ATPAF1: variants seen among roughly 807,000 people sequenced by gnomAD.
ATPAF1 encodes the protein ATP synthase mitochondrial F1 complex assembly factor 1, also known as homolog of yeast ATP11.
Under a neutral mutation model 43.9 loss-of-function variants are expected in ATPAF1, and 26 were observed. That is an observed-to-expected ratio of 0.59 (90% CI 0.43 to 0.82). ATPAF1 has a LOEUF of 0.82. Among genes scored for constraint, ATPAF1 ranks in the 40% least tolerant of loss-of-function variants. The pLI, the probability that ATPAF1 is intolerant of heterozygous loss-of-function variation, is 0.00. For missense variants in ATPAF1, 366 were observed against 435.0 expected (o/e 0.84, Z 1.41); for synonymous variants, 157 against 168.0 (o/e 0.93, Z 0.50).
intron 2 of ATPAF1, among the ~76,000 whole-genome samples, chr1:46,662,652 C>T (rs1217792554): frequency 6.6e-6 from 1 of 152,132 alleles, no homozygotes; most frequent in Non-Finnish European, 1.5e-5. Context: ...GTCTCAAACT[C>T]CTGACCTTAA....
upstream of ATPAF1, chr1:46,668,365 G>T (rs1329350699): frequency 7.9e-7 from 1 of 1,270,980 alleles, no homozygotes; most frequent in East Asian, 3.5e-5. The surrounding 1 kb of genome is among the most constrained non-coding windows in gnomAD (Gnocchi z 4.4). Flanking sequence ...CGTCGGCCTC[G>T]GCCCGCGGCC....
In ATPAF1 at chr1:46,649,157, C is replaced by CAA. The variant is rs35432914; in HGVS notation, c.588+3422_588+3423dup. Among the ~76,000 whole-genome samples, 1,014 of 104,664 alleles carry CAA rather than the reference C, an allele frequency of 9.7e-3. 25 individuals are homozygous for CAA. Among genetic ancestry groups the CAA allele is most frequent in the East Asian group, 0.056 (195 of 3,460 alleles). 68.7% of individuals were successfully genotyped at this position (104,664 alleles called of 152,430 possible). The stretch of plus-strand genomic sequence containing the variant: ...CTGGGTGACAAAGCAAGCTCCGTCT[C>CAA]AAAAAAAAAAAAAAAAAAAAGTTAC... On this transcript the variant is annotated intron_variant, in intron 6 of 8. Coordinates refer to ENST00000574428, the Ensembl canonical transcript of ATPAF1.
chr1:46,653,648 T>C lies in ATPAF1; in HGVS notation c.540+169A>G, dbSNP rs1169598357. Among the ~76,000 whole-genome samples, 1 of 152,188 alleles carries C rather than the reference T, an allele frequency of 6.6e-6. No homozygotes were observed. Among genetic ancestry groups the C allele is most frequent in the Non-Finnish European group, 1.5e-5 (1 of 68,044 alleles). On this transcript the variant is annotated intron_variant, in intron 5 of 8. Coordinates refer to ENST00000574428, the Ensembl canonical transcript of ATPAF1. This position sits in a 1 kb window ranked among gnomAD's most constrained non-coding sequence, Gnocchi z 4.8. ...AAACAAGAGCCATAAATATACCATA[T>C]GGAGCTTCCAATCTCTGGTGCTCAG...
Position 46,653,854 on chromosome 1 carries a change from T to C in ATPAF1, c.503A>G (p.Tyr168Cys), listed in dbSNP as rs1473394592. The change falls in exon 5 of 9, where the codon TAT becomes TGT. Residue 168 changes from tyrosine to cysteine, a missense_variant. By Grantham distance (194) the Tyr-to-Cys change is radical. This residue lies in a region of ATPAF1 where 180 missense variants were observed against 266.5 expected (regional missense o/e 0.68). Transcript: ENST00000574428. This position sits in a 1 kb window ranked among gnomAD's most constrained non-coding sequence, Gnocchi z 4.8. ...GTAGACTGTATCTTTTGCTGCAAAA[T>C]ATTGCTGCCAAATCTGTACAAAAAA... 7.4e-6 allele frequency: 12 copies of C among 1,611,386 alleles called. No homozygotes were observed. Among genetic ancestry groups the C allele is most frequent in the East Asian group, 2.2e-5 (1 of 44,800 alleles).
chr1:46,633,924 G>A (rs1675792672), downstream of ATPAF1: 1 of 438,386 alleles, frequency 2.3e-6, no homozygotes. Flanking sequence ...AGGTCAGAAG[G>A]CATTTAATGA....
At chr1:46,648,308 C>T (rs192411091) in intron 6 of ATPAF1, among the ~76,000 whole-genome samples, 17 of 152,182 alleles carry the variant, frequency 1.1e-4, no homozygotes, top group Admixed American at 7.9e-4. Context: ...GATGGGTTTT[C>T]GCCATATTGG....
At chr1:46,647,075 G>C (rs2148818203) in intron 6 of ATPAF1, among the ~76,000 whole-genome samples, 1 of 152,290 alleles carries the variant, frequency 6.6e-6, no homozygotes. Context: ...CCCAAGTCCA[G>C]GAATGCCTCC....
intron 7 of ATPAF1, among the ~76,000 whole-genome samples, chr1:46,644,483 C>T (rs1268901732): frequency 6.6e-6 from 1 of 152,148 alleles, no homozygotes; most frequent in African/African-American, 2.4e-5. Flanking sequence ...AGACATATTA[C>T]AAAATAGCAA....
At chr1:46,636,742 A>AG (rs1675848831) in intron 8 of ATPAF1, among the ~76,000 whole-genome samples, 1 of 152,034 alleles carries the variant, frequency 6.6e-6, no homozygotes, top group African/African-American at 2.4e-5. Flanking sequence ...AAAAAAAAAA[A>AG]AAGACTATGA....
chr1:46,655,863 GC>G (rs1396751818), intron 4 of ATPAF1, among the ~76,000 whole-genome samples: 1 of 151,938 alleles, frequency 6.6e-6, no homozygotes, highest in African/African-American at 2.4e-5. Context: ...CCTCCCCCTT[GC>G]TTTCATATTT....
At chr1:46,652,689 A>G in intron 5 of ATPAF1, 61 bp from the exon 6 acceptor site, 1 of 1,397,274 alleles carries the variant, frequency 7.2e-7, no homozygotes, top group South Asian at 1.2e-5. Context: ...GGCCACTATC[A>G]CATGTAATTC....
At chr1:46,652,859 G>A (rs1229936478) in intron 5 of ATPAF1, among the ~76,000 whole-genome samples, 3 of 152,104 alleles carry the variant, frequency 2.0e-5, no homozygotes. Context: ...CAATGCTCCA[G>A]GGAACTTTAA....
At chr1:46,638,562 C>T (rs1230820537) in intron 8 of ATPAF1, among the ~76,000 whole-genome samples, 1 of 150,488 alleles carries the variant, frequency 6.6e-6, no homozygotes, top group African/African-American at 2.5e-5. Flanking sequence ...GCAGAGCTTG[C>T]AGTGAGCCGA....
exon 9 of ATPAF1, chr1:46,635,884 G>T: frequency 6.2e-7 from 1 of 1,614,254 alleles, no homozygotes; most frequent in Non-Finnish European, 8.5e-7. Context: ...TGAGGTTAAA[G>T]GTCTCCACTA....
chr1:46,634,294 G>A (rs914268331), downstream of ATPAF1: 7 of 174,434 alleles, frequency 4.0e-5, no homozygotes, highest in South Asian at 5.8e-4. Flanking sequence ...GGCAGGAGCA[G>A]CAGAGTGGAG....
chr1:46,651,269 C>A (rs900935530), intron 6 of ATPAF1, among the ~76,000 whole-genome samples: 2 of 151,934 alleles, frequency 1.3e-5, no homozygotes, highest in African/African-American at 4.8e-5. Flanking sequence ...TTGTTCTTGC[C>A]ATAGTTTACT....
At chr1:46,667,503 A>C (rs1676510828) in intron 1 of ATPAF1, among the ~76,000 whole-genome samples, 1 of 152,150 alleles carries the variant, frequency 6.6e-6, no homozygotes, top group African/African-American at 2.4e-5. Flanking sequence ...AATCCCAAAC[A>C]GCTGTGTGAC....
intron 5 of ATPAF1, 86 bp from the exon 6 acceptor site, chr1:46,652,714 C>T: frequency 8.8e-7 from 1 of 1,139,184 alleles, no homozygotes; most frequent in Non-Finnish European, 1.3e-6. Flanking sequence ...AGACTGAATT[C>T]TAGAATTATA....
intron 4 of ATPAF1, among the ~76,000 whole-genome samples, chr1:46,657,897 G>A (rs1318737847): frequency 1.3e-5 from 2 of 152,214 alleles, no homozygotes; most frequent in Non-Finnish European, 1.5e-5. Context: ...TACACGAGAT[G>A]TGGATTATGG....
Sources: allele counts gnomAD v4.1 joint callset (sites outside exome capture counted in the v4.1 genomes callset), GRCh38; gene constraint gnomAD v4.1.1; regional missense constraint gnomAD v4.1.1; non-coding constraint Gnocchi (gnomAD v3.1); transcripts MANE v1.5; gene names NCBI Gene and HGNC (gene_info 2026-07-23, HGNC 2026-07-21).